The following CHN2 variants were observed in gnomAD, a reference collection of about 807,000 sequenced individuals.
The protein encoded by CHN2 is chimerin 2.
In CHN2, 35 loss-of-function variants were observed where a neutral mutation model predicts 56.3. The observed-to-expected ratio is 0.62, with a 90% CI of 0.47 to 0.82. The LOEUF is 0.82. Among genes scored for constraint, CHN2 ranks in the 40% least tolerant of loss-of-function variants. The pLI, the probability that CHN2 is intolerant of heterozygous loss-of-function variation, is 0.00. For missense variants in CHN2, 491 were observed against 580.5 expected (o/e 0.85, Z 1.58); for synonymous variants, 210 against 212.8 (o/e 0.99, Z 0.12).
chr7:29,155,266 C>T (rs141959273), intron 2 of CHN2, among the ~76,000 whole-genome samples: 2 of 152,124 alleles, frequency 1.3e-5, no homozygotes, highest in East Asian at 3.9e-4. Context: ...TCAGGGAAAA[C>T]AACTACATTT....
chr7:29,279,924 A>G lies in CHN2; in HGVS notation c.50-74701A>G, dbSNP rs1001310002. 6.6e-5 allele frequency among the ~76,000 whole-genome samples: 10 copies of G among 152,302 alleles called. No individual in the cohort carries two copies. The East Asian group carries it at 1.9e-3, about 29-fold the overall frequency. On this transcript the variant is annotated intron_variant, in intron 1 of 12. Coordinates refer to ENST00000222792, the MANE Select transcript of CHN2 (RefSeq NM_004067.4). Reference sequence around the variant, plus strand: ...GGTCTGAATTAGGGTGGTGGGTAAGAAAAGAAGCAGGGGTCCTAGTAAGAG... The same window carrying G: ...GGTCTGAATTAGGGTGGTGGGTAAGGAAAGAAGCAGGGGTCCTAGTAAGAG...
At chr7:29,285,710 A>C (rs1792091572) in intron 1 of CHN2, among the ~76,000 whole-genome samples, 1 of 152,190 alleles carries the variant, frequency 6.6e-6, no homozygotes, top group Admixed American at 6.5e-5. Context: ...ATTCATCACC[A>C]TTGTGTCTCA....
At chr7:29,469,652 T>C (rs918331100) in intron 6 of CHN2, among the ~76,000 whole-genome samples, 1 of 152,226 alleles carries the variant, frequency 6.6e-6, no homozygotes, top group Non-Finnish European at 1.5e-5. Context: ...TGCCCAAATT[T>C]CCAAATGTCA....
chr7:29,504,419 T>G (rs1790333061), intron 9 of CHN2, among the ~76,000 whole-genome samples: 1 of 152,170 alleles, frequency 6.6e-6, no homozygotes, highest in Admixed American at 6.6e-5. Flanking sequence ...GAAATTCATG[T>G]CCATCAAGCT....
intron 6 of CHN2, among the ~76,000 whole-genome samples, chr7:29,447,995 G>A (rs1369186120): frequency 2.0e-5 from 3 of 152,168 alleles, no homozygotes; most frequent in African/African-American, 7.2e-5. Context: ...TTAAGAGCTT[G>A]GCAATTCTAT....
At chr7:29,271,327 AAC>A (rs1441540815) in intron 1 of CHN2, among the ~76,000 whole-genome samples, 1 of 152,234 alleles carries the variant, frequency 6.6e-6, no homozygotes, top group Non-Finnish European at 1.5e-5. Flanking sequence ...GTGTTAGATA[AAC>A]AGGTAATGAT....
chr7:29,459,556 T>A (rs941808681), intron 6 of CHN2, among the ~76,000 whole-genome samples: 1 of 152,194 alleles, frequency 6.6e-6, no homozygotes, highest in Non-Finnish European at 1.5e-5. Flanking sequence ...CAATACAACA[T>A]CTGTTTCATT....
intron 2 of CHN2, among the ~76,000 whole-genome samples, chr7:29,161,383 A>G (rs1795157221): frequency 6.6e-6 from 1 of 152,194 alleles, no homozygotes; most frequent in Non-Finnish European, 1.5e-5. Context: ...GCCAGATAAG[A>G]TTTCAACAGT....
In CHN2 at chr7:29,351,107, CAAAAAAA is replaced by C. The variant is rs55787771; in HGVS notation, c.50-3501_50-3495del. ...TGGGCAACGGAGCAAGACTCCATCT[CAAAAAAA>C]AAAAAAAAAAAAAAAATTCCCACAG... On this transcript the variant is annotated intron_variant, in intron 1 of 12. Coordinates refer to ENST00000222792, the MANE Select transcript of CHN2 (RefSeq NM_004067.4). Among the ~76,000 whole-genome samples the C allele has an allele frequency of 2.1e-4, 15 of 70,048 alleles. No homozygotes were observed. In the East Asian group the frequency reaches 3.4e-3, roughly 16 times the overall value. 46.0% of individuals were successfully genotyped at this position (70,048 alleles called of 152,430 possible).
intron 4 of CHN2, among the ~76,000 whole-genome samples, chr7:29,395,810 G>A (rs1467429459): frequency 6.6e-6 from 1 of 152,174 alleles, no homozygotes; most frequent in African/African-American, 2.4e-5. Context: ...TTGAATGATT[G>A]AATTTAATTT....
intron 7 of CHN2, among the ~76,000 whole-genome samples, chr7:29,491,287 T>C (rs946639341): frequency 6.6e-6 from 1 of 152,232 alleles, no homozygotes; most frequent in Admixed American, 6.5e-5. Flanking sequence ...GAGCCACTTA[T>C]TCTGATTAGA....
chr7:29,490,772 A>C lies in CHN2; in HGVS notation c.655-5180A>C, dbSNP rs1297834861. Reference sequence around the variant, plus strand: ...TACTGGGCTTTGGCTCTCTATTTGAAATGTTATTATATTATATTCAGAATA... The same window carrying C: ...TACTGGGCTTTGGCTCTCTATTTGACATGTTATTATATTATATTCAGAATA... On this transcript the variant is annotated intron_variant, in intron 7 of 12. Coordinates refer to ENST00000222792, the MANE Select transcript of CHN2 (RefSeq NM_004067.4). 3.9e-5 allele frequency among the ~76,000 whole-genome samples: 6 copies of C among 152,132 alleles called. No individual in the cohort carries two copies. In the South Asian group the frequency reaches 1.2e-3, roughly 32 times the overall value.
chr7:29,172,815 T>A (rs571372804), intron 2 of CHN2, among the ~76,000 whole-genome samples: 53 of 152,192 alleles, frequency 3.5e-4, no homozygotes, highest in Non-Finnish European at 7.1e-4. Context: ...TATGACTCAC[T>A]AGATATCTGG....
At chr7:29,462,128 G>C (rs528173271) in intron 6 of CHN2, among the ~76,000 whole-genome samples, 2 of 152,084 alleles carry the variant, frequency 1.3e-5, no homozygotes, top group East Asian at 3.8e-4. Context: ...TGCATTCTGC[G>C]TAAAACTTAG....
At chr7:29,501,205 G>A (rs547437994) in intron 9 of CHN2, among the ~76,000 whole-genome samples, 1 of 152,292 alleles carries the variant, frequency 6.6e-6, no homozygotes, top group East Asian at 1.9e-4. Context: ...TTTCTATGGA[G>A]GGGGAAAACC....
At chr7:29,435,889 G>A (rs981545747) in intron 6 of CHN2, among the ~76,000 whole-genome samples, 1 of 127,856 alleles carries the variant, frequency 7.8e-6, no homozygotes, top group Non-Finnish European at 1.6e-5. Context: ...TATCAGAAGC[G>A]CCTCCTTTTT....
chr7:29,157,122 C>T (rs1249786686), intron 2 of CHN2, among the ~76,000 whole-genome samples: 1 of 152,170 alleles, frequency 6.6e-6, no homozygotes, highest in East Asian at 1.9e-4. Flanking sequence ...AATTTTATCC[C>T]TCTTTATTTC....
At position 29,331,173 on chromosome 7, in the gene CHN2, G is replaced by A. The variant is rs115835776; in HGVS notation, c.50-23452G>A. Among the ~76,000 whole-genome samples, 971 of 152,326 alleles carry A rather than the reference G, an allele frequency of 6.4e-3. 12 individuals are homozygous for A. Among genetic ancestry groups the A allele is most frequent in the African/African-American group, 0.022 (919 of 41,568 alleles). ...CTTAGCCTTTGCTATGGTCTAGGGG[G>A]TGACGGAGGACATCTGTCAAGGCCC... On this transcript the variant is annotated intron_variant, in intron 1 of 12. Transcript: ENST00000222792.
At chr7:29,417,301 C>T (rs1803858564) in intron 6 of CHN2, among the ~76,000 whole-genome samples, 1 of 149,262 alleles carries the variant, frequency 6.7e-6, no homozygotes, top group Admixed American at 6.7e-5. Flanking sequence ...CCAGGTTGCT[C>T]ATTGTCTTTG....
Sources: allele counts gnomAD v4.1 joint callset (sites outside exome capture counted in the v4.1 genomes callset), GRCh38; gene constraint gnomAD v4.1.1; transcripts MANE v1.5; gene names NCBI Gene and HGNC (gene_info 2026-07-23, HGNC 2026-07-21).